The following KLF12 variants were observed in gnomAD, a reference collection of about 807,000 sequenced individuals.
KLF12 encodes the protein Krueppel-like factor 12.
In KLF12, 9 loss-of-function variants were observed where a neutral mutation model predicts 37.8. That is an observed-to-expected ratio of 0.24 (90% confidence interval 0.14 to 0.42). The LOEUF (loss-of-function observed/expected upper bound fraction) is 0.42. Ranked by LOEUF, KLF12 falls within the 10% of genes least tolerant of loss-of-function variation. The probability of loss-of-function intolerance (pLI) is 1.00; values close to 1 mark genes in which losing one functional copy is unlikely to be tolerated. For missense variants in KLF12, 411 were observed against 516.0 expected (o/e 0.80, Z 1.97); for synonymous variants, 208 against 202.1 (o/e 1.03, Z -0.25).
At chr13:74,196,295 G>A in the KLF12 span, among the ~76,000 whole-genome samples, 9 of 152,238 alleles carry the variant, frequency 5.9e-5, no homozygotes, top group South Asian at 4.2e-4. Flanking sequence ...CTGACTTCTG[G>A]TTGAGTTGGT....
chr13:73,784,042 A>G (rs1181184526), intron 5 of KLF12, among the ~76,000 whole-genome samples: 3 of 152,106 alleles, frequency 2.0e-5, no homozygotes. Context: ...CTGATAAGAA[A>G]TGCCTGACTT....
chr13:73,888,126 C>T (rs900862590), intron 3 of KLF12, among the ~76,000 whole-genome samples: 3 of 152,004 alleles, frequency 2.0e-5, no homozygotes, highest in Admixed American at 6.6e-5. Context: ...CCTCAGCCTC[C>T]CAAGTAGCTG....
At chr13:73,819,978 G>A (rs118155400) in intron 4 of KLF12, among the ~76,000 whole-genome samples, 23 of 152,296 alleles carry the variant, frequency 1.5e-4, no homozygotes, top group Non-Finnish European at 2.9e-4. Context: ...GGAACTGGAT[G>A]AGGACAGAGA....
the KLF12 span, among the ~76,000 whole-genome samples, chr13:74,179,878 T>G: frequency 6.6e-6 from 1 of 152,178 alleles, no homozygotes; most frequent in Non-Finnish European, 1.5e-5. Flanking sequence ...ATCTGGTAAT[T>G]TTGAATGATT....
At chr13:74,226,645 G>A in the KLF12 span, among the ~76,000 whole-genome samples, 1 of 151,976 alleles carries the variant, frequency 6.6e-6, no homozygotes, top group African/African-American at 2.4e-5. Flanking sequence ...CCTTCAATAT[G>A]CTTTAAAGAA....
upstream of KLF12, among the ~76,000 whole-genome samples, chr13:74,138,642 A>G (rs1878624352): frequency 6.6e-6 from 1 of 152,118 alleles, no homozygotes; most frequent in Non-Finnish European, 1.5e-5. Context: ...TCTTCATCAC[A>G]TCTTCAGATG....
At chr13:73,922,380 A>T (rs952361340) in intron 3 of KLF12, among the ~76,000 whole-genome samples, 2 of 152,180 alleles carry the variant, frequency 1.3e-5, no homozygotes, top group African/African-American at 4.8e-5. Context: ...TTAACATCTC[A>T]GCACCCATGG....
chr13:74,165,098 A>G, the KLF12 span, among the ~76,000 whole-genome samples: 1 of 152,244 alleles, frequency 6.6e-6, no homozygotes, highest in African/African-American at 2.4e-5. Context: ...GAGGTGATGG[A>G]TACCCCATTT....
chr13:74,226,357 A>C, the KLF12 span, among the ~76,000 whole-genome samples: 1 of 152,140 alleles, frequency 6.6e-6, no homozygotes, highest in Admixed American at 6.6e-5. Context: ...GTGTCTTTGG[A>C]ATTTCTGGCT....
chr13:73,925,615 T>C (rs147562060), intron 3 of KLF12, among the ~76,000 whole-genome samples: 8 of 152,198 alleles, frequency 5.3e-5, no homozygotes, highest in South Asian at 2.1e-4. Context: ...CGTGGATAAG[T>C]AGTCATTTTG....
chr13:74,255,284 G>C, the KLF12 span, among the ~76,000 whole-genome samples: 1 of 152,190 alleles, frequency 6.6e-6, no homozygotes, highest in Non-Finnish European at 1.5e-5. Context: ...AGTTAAAGAA[G>C]GAGGGTGTTG....
At chr13:74,182,674 T>C in the KLF12 span, among the ~76,000 whole-genome samples, 1 of 152,164 alleles carries the variant, frequency 6.6e-6, no homozygotes, top group Admixed American at 6.5e-5. Flanking sequence ...AAGAAATCCA[T>C]AGGGAGAGAA....
At chr13:74,010,098 C>G (rs985047288) in intron 1 of KLF12, among the ~76,000 whole-genome samples, 2 of 151,958 alleles carry the variant, frequency 1.3e-5, no homozygotes, top group East Asian at 3.9e-4. Flanking sequence ...TACAGGCATG[C>G]ACCACCACAC....
the KLF12 span, among the ~76,000 whole-genome samples, chr13:74,292,569 T>C: frequency 6.6e-6 from 1 of 151,966 alleles, no homozygotes; most frequent in African/African-American, 2.4e-5. Flanking sequence ...TCTCCTATAC[T>C]CTATCCAGGC....
chr13:73,877,920 A>G (rs1210043254), intron 3 of KLF12, among the ~76,000 whole-genome samples: 1 of 152,130 alleles, frequency 6.6e-6, no homozygotes, highest in Non-Finnish European at 1.5e-5. Context: ...GCCTTTTCCA[A>G]GACTACTCTG....
Position 73,715,521 on chromosome 13 carries a change from T to C in KLF12, c.874A>G (p.Ile292Val). The change falls in exon 7 of 8, where the codon ATT (isoleucine) becomes GTT (valine). Residue 292 changes from isoleucine (I) to valine (V), a missense_variant. By Grantham distance (29) the Ile-to-Val change is conservative (BLOSUM62 3). This residue lies in a region of KLF12 where 351 missense variants were observed against 397.8 expected (regional missense o/e 0.88). Coordinates refer to ENST00000377669, the MANE Select transcript of KLF12 (RefSeq NM_007249.5). ...GTGCTCTCAATACTAAATGGTGAAATTGAACTGGAAAAAGAAAAAGTGGAG... is the reference window on the plus strand; with the variant it reads ...GTGCTCTCAATACTAAATGGTGAAACTGAACTGGAAAAAGAAAAAGTGGAG... 14 of 1,613,046 alleles carry C rather than the reference T, an allele frequency of 8.7e-6. No individual in the cohort carries two copies. The highest frequency in any genetic ancestry group is 1.7e-5 in the Admixed American group (1 of 59,716).
At chr13:73,740,844 G>A (rs1022679046) in intron 6 of KLF12, among the ~76,000 whole-genome samples, 1 of 152,252 alleles carries the variant, frequency 6.6e-6, no homozygotes, top group Middle Eastern at 3.4e-3. Flanking sequence ...CAGTGTGTGG[G>A]CAGACTTGGG....
chr13:73,920,163 ATTAAT>A (rs1311168924), intron 3 of KLF12, among the ~76,000 whole-genome samples: 2 of 152,218 alleles, frequency 1.3e-5, no homozygotes, highest in African/African-American at 2.4e-5. Context: ...GTGCATGCAA[ATTAAT>A]TTAAGTATAA....
upstream of KLF12, among the ~76,000 whole-genome samples, chr13:74,134,028 T>A (rs1180562614): frequency 6.6e-6 from 1 of 151,978 alleles, no homozygotes; most frequent in African/African-American, 2.4e-5. Context: ...GCTGCCGAGT[T>A]GCGAGCCCCG....
Sources: allele counts gnomAD v4.1 joint callset (sites outside exome capture counted in the v4.1 genomes callset), GRCh38; gene constraint gnomAD v4.1.1; regional missense constraint gnomAD v4.1.1; transcripts MANE v1.5; gene names NCBI Gene and HGNC (gene_info 2026-07-23, HGNC 2026-07-21).